Variants in UBXN2A observed in about 807,000 individuals in gnomAD.
UBXN2A encodes UBX domain-containing protein 2A.
UBXN2A carries 28 observed loss-of-function variants against 28.4 expected under a neutral mutation model. The ratio of observed to expected loss-of-function variants is 0.99; its 90% confidence interval spans 0.73 to 1.35. The LOEUF (loss-of-function observed/expected upper bound fraction) is 1.35. Among genes scored for constraint, UBXN2A ranks in the 40% most tolerant of loss-of-function variants. The pLI is 0.00. For missense variants in UBXN2A, 253 were observed against 297.9 expected, an observed-to-expected ratio of 0.85 and a Z score of 1.11; for synonymous variants, 97 against 103.6, an observed-to-expected ratio of 0.94 and a Z score of 0.39.
At chr2:23,940,884 C>CTT (rs76843406) in intron 1 of UBXN2A, among the ~76,000 whole-genome samples, 1 of 151,920 alleles carries the variant, frequency 6.6e-6, no homozygotes, top group South Asian at 2.1e-4. Context: ...GCCCCTGACT[C>CTT]GCCTGCGGCT....
intron 4 of UBXN2A, among the ~76,000 whole-genome samples, chr2:23,978,002 T>C (rs1464061423): frequency 6.6e-6 from 1 of 152,020 alleles, no homozygotes; most frequent in Non-Finnish European, 1.5e-5. Flanking sequence ...CATCTAATTT[T>C]TGTATTTTTT....
At chr2:23,928,068 C>T (rs1705162298) in intron 1 of UBXN2A, among the ~76,000 whole-genome samples, 1 of 150,966 alleles carries the variant, frequency 6.6e-6, no homozygotes, top group Admixed American at 6.6e-5. Flanking sequence ...CCCAGCTGCT[C>T]GGGAAGCTGA....
intron 2 of UBXN2A, among the ~76,000 whole-genome samples, chr2:23,966,516 G>C (rs1414903798): frequency 2.0e-5 from 3 of 147,332 alleles, no homozygotes; most frequent in African/African-American, 7.6e-5. Flanking sequence ...GCGGTGGCGT[G>C]ATCTCAGCTC....
intron 6 of UBXN2A, among the ~76,000 whole-genome samples, chr2:23,985,603 T>TTTG (rs1175930905): frequency 6.4e-4 from 8 of 12,592 alleles, no homozygotes; most frequent in Admixed American, 4.7e-3. Flanking sequence ...GTCTAGACAG[T>TTTG]TTTTTTTTTT....
intron 2 of UBXN2A, among the ~76,000 whole-genome samples, chr2:23,964,763 C>A (rs1423741045): frequency 1.3e-5 from 2 of 152,146 alleles, no homozygotes; most frequent in Non-Finnish European, 2.9e-5. Flanking sequence ...AGTGTTCTTA[C>A]CATGATAAAA....
intron 2 of UBXN2A, among the ~76,000 whole-genome samples, chr2:23,970,234 A>C (rs781682877): frequency 2.6e-5 from 4 of 152,166 alleles, no homozygotes; most frequent in African/African-American, 4.8e-5. Context: ...TAGTGAGCTG[A>C]AATTGCGCCA....
chr2:23,998,121 AT>A, intron 6 of UBXN2A, among the ~76,000 whole-genome samples: 1 of 152,170 alleles, frequency 6.6e-6, no homozygotes, highest in Admixed American at 6.5e-5. Flanking sequence ...CTATTTTAAT[AT>A]TTTCTAACTT....
intron 2 of UBXN2A, among the ~76,000 whole-genome samples, chr2:23,959,224 G>T (rs535603087): frequency 1.1e-3 from 163 of 152,112 alleles, no homozygotes; most frequent in Non-Finnish European, 1.1e-3. Context: ...GGGCACAGTG[G>T]CTCACGCCTG....
intron 2 of UBXN2A, among the ~76,000 whole-genome samples, chr2:23,959,497 AAAAT>A (rs1233407147): frequency 6.6e-6 from 1 of 152,142 alleles, no homozygotes; most frequent in Non-Finnish European, 1.5e-5. Context: ...TCCGTCTCAA[AAAAT>A]AAATAAAAAT....
intron 1 of UBXN2A, among the ~76,000 whole-genome samples, chr2:23,956,849 G>A (rs1172907823): frequency 6.6e-6 from 1 of 152,084 alleles, no homozygotes; most frequent in Non-Finnish European, 1.5e-5. Context: ...TTGCTTCCAG[G>A]CCTTCTCAGC....
At chr2:23,943,986 G>A in intron 1 of UBXN2A, 1 of 479,070 alleles carries the variant, frequency 2.1e-6, no homozygotes, top group Non-Finnish European at 4.1e-6. Flanking sequence ...TAAGAACACA[G>A]GTTCAAACCG....
At chr2:23,992,209 A>T (rs1432077868) in intron 6 of UBXN2A, among the ~76,000 whole-genome samples, 8 of 150,572 alleles carry the variant, frequency 5.3e-5, no homozygotes, top group African/African-American at 2.0e-4. Context: ...TGACCTCATG[A>T]TCCTCCTGCC....
chr2:23,962,480 C>T (rs746719801), intron 2 of UBXN2A, among the ~76,000 whole-genome samples: 2 of 152,044 alleles, frequency 1.3e-5, no homozygotes, highest in Admixed American at 6.6e-5. Flanking sequence ...GATACTCCTA[C>T]AACTCAGTAG....
chr2:23,966,414 C>T (rs1456992612), intron 2 of UBXN2A, among the ~76,000 whole-genome samples: 1 of 151,052 alleles, frequency 6.6e-6, no homozygotes. Flanking sequence ...GGATTACAGG[C>T]GTGAGCCACC....
rs763694313 is a variant in UBXN2A at position 23,976,926 on chromosome 2, CA to C, written c.181-42del. ...TTTCAAAGGACTTTCAATCCTACTA[CA>C]TTTTATTAACATGACGCATTTTGTT... is the stretch of plus-strand genomic sequence containing the variant. On this transcript the variant is annotated intron_variant, in intron 3 of 6. Transcript: ENST00000309033. The C allele has an allele frequency of 7.2e-6, 11 of 1,518,524 alleles. No individual in the cohort carries two copies. In the African/African-American group the frequency reaches 9.6e-5, roughly 13 times the overall value. 94.1% of individuals were successfully genotyped at this position (1,518,524 alleles called of 1,614,324 possible). A position where few individuals can be genotyped will look rare whatever the true frequency, so the allele number is the denominator to read the frequency against.
intron 3 of UBXN2A, among the ~76,000 whole-genome samples, chr2:23,972,510 T>G (rs566410424): frequency 1.9e-4 from 29 of 152,312 alleles, no homozygotes; most frequent in African/African-American, 6.7e-4. Flanking sequence ...AGAATGTCCT[T>G]GATGCAGTAG....
At chr2:23,988,122 C>CAAA (rs34140980) in intron 6 of UBXN2A, among the ~76,000 whole-genome samples, 1 of 121,048 alleles carries the variant, frequency 8.3e-6, no homozygotes, top group African/African-American at 3.1e-5. Flanking sequence ...GGCTCCATCT[C>CAAA]AAAAAAAAAA....
At chr2:23,993,962 G>T (rs1420891456) in intron 6 of UBXN2A, among the ~76,000 whole-genome samples, 1 of 152,026 alleles carries the variant, frequency 6.6e-6, no homozygotes, top group African/African-American at 2.4e-5. Context: ...GGGATTACAG[G>T]CGTGAGTCAC....
rs763992338 is a variant in UBXN2A, at chr2:23,957,821, C to T, written c.-14-480C>T. ...TGCACTCCAGCCTGGGCAACAAGAG[C>T]GGTACTCCATCTCAAAAATAAATAA... On this transcript the variant is annotated intron_variant, in intron 1 of 6. Coordinates refer to ENST00000309033, the MANE Select transcript of UBXN2A (RefSeq NM_181713.4). Among the ~76,000 whole-genome samples, 93 of 152,042 alleles carry T rather than the reference C, an allele frequency of 6.1e-4. 1 individual carries two copies. Among genetic ancestry groups the T allele is most frequent in the Non-Finnish European group, 1.1e-3 (75 of 68,004 alleles).
Sources: gnomAD v4.1 joint callset for allele counts (sites outside exome capture counted in the v4.1 genomes callset) on GRCh38, gnomAD v4.1.1 for gene constraint, MANE v1.5 for transcripts, NCBI Gene and HGNC (gene_info 2026-07-23, HGNC 2026-07-21) for gene names.